Variants in NEDD4L observed in about 807,000 individuals in gnomAD.
NEDD4L encodes E3 ubiquitin-protein ligase NEDD4-like.
Under a neutral mutation model 148.9 loss-of-function variants are expected in NEDD4L, and 54 were observed. The ratio of observed to expected loss-of-function variants is 0.36; its 90% CI spans 0.29 to 0.45. NEDD4L has a LOEUF of 0.45. Ranked by LOEUF, NEDD4L falls within the 20% of genes least tolerant of loss-of-function variation. The pLI is 1.00. For missense variants in NEDD4L, 856 were observed against 1,233.8 expected, an observed-to-expected ratio of 0.69 and a Z score of 4.59; for synonymous variants, 433 against 440.7, an observed-to-expected ratio of 0.98 and a Z score of 0.22.
At chr18:58,322,541 T>C (rs2058895373) in intron 7 of NEDD4L, 55 bp downstream of exon 7, 1 of 1,184,494 alleles carries the variant, frequency 8.4e-7, no homozygotes, top group Non-Finnish European at 1.2e-6. Context: ...GCTGTAGGTA[T>C]AGGTGGGGAT....
chr18:58,355,029 A>G (rs925315180), intron 18 of NEDD4L, among the ~76,000 whole-genome samples: 7 of 152,344 alleles, frequency 4.6e-5, no homozygotes, highest in African/African-American at 1.7e-4. Flanking sequence ...GCCAAAGGGT[A>G]TCTGCCCGGT....
At position 58,398,589 on chromosome 18, in the gene NEDD4L, TGTGA is replaced by T. The variant is rs2050644012; in HGVS notation, c.*2325_*2328del. The T allele has an allele frequency of 6.6e-6, 1 of 152,242 alleles. No homozygotes were observed. The highest frequency in any genetic ancestry group is 1.5e-5 in the Non-Finnish European group (1 of 68,042). The allele number at this position is 152,242 out of a possible 1,614,324, so 9.4% of individuals were successfully genotyped here. A position where few individuals can be genotyped will look rare whatever the true frequency, so the allele number is the denominator to read the frequency against. The stretch of plus-strand genomic sequence containing the variant: ...CCATGAATACTTGGAAGGCAGTAAT[TGTGA>T]GTGACACCTCAGTTCATCAACCCCT... On this transcript the variant is annotated 3_prime_UTR_variant, in exon 31 of 31. Coordinates refer to ENST00000400345, the MANE Select transcript of NEDD4L (RefSeq NM_001144967.3).
chr18:58,246,024 T>G (rs1196413970), intron 3 of NEDD4L, among the ~76,000 whole-genome samples: 1 of 152,040 alleles, frequency 6.6e-6, no homozygotes, highest in African/African-American at 2.4e-5. Flanking sequence ...TACTGTATTT[T>G]CATTTTAAGT....
chr18:58,320,947 A>G (rs2058718026), intron 6 of NEDD4L, among the ~76,000 whole-genome samples: 1 of 152,222 alleles, frequency 6.6e-6, no homozygotes, highest in Non-Finnish European at 1.5e-5. Flanking sequence ...TTCAAAATGT[A>G]TGTTTATTAC....
At chr18:58,386,036 CTTGATTGATTGATTGA>C (rs74183251) in intron 26 of NEDD4L, among the ~76,000 whole-genome samples, 1 of 150,388 alleles carries the variant, frequency 6.6e-6, no homozygotes, top group South Asian at 2.1e-4. Flanking sequence ...GCTGCCTGGG[CTTGATTGATTGATTGA>C]TTGATTGATT....
rs376796765 is a variant in NEDD4L, at chr18:58,395,374, G to T, written c.2826-793G>T. 9.9e-5 allele frequency among the ~76,000 whole-genome samples: 15 copies of T among 152,160 alleles called. No homozygotes were observed. In the South Asian group the frequency reaches 3.1e-3, roughly 32 times the overall value. On this transcript the variant is annotated intron_variant, in intron 30 of 30. Transcript: ENST00000400345. ...TAATTGAGCCCTTGCTGTATGCCGG[G>T]CCCACTGATCCGATCCACTTGGCAC... is the stretch of plus-strand genomic sequence containing the variant.
At chr18:58,377,900 A>G (rs1001289664) in intron 24 of NEDD4L, among the ~76,000 whole-genome samples, 8 of 152,180 alleles carry the variant, frequency 5.3e-5, no homozygotes, top group African/African-American at 1.9e-4. Context: ...GCAAGCCACC[A>G]TGCCCAGCTA....
chr18:58,298,079 A>T (rs2055919120), intron 5 of NEDD4L, among the ~76,000 whole-genome samples: 1 of 152,220 alleles, frequency 6.6e-6, no homozygotes, highest in South Asian at 2.1e-4. Flanking sequence ...CCGTCATCTA[A>T]ATCAGTGATA....
Position 58,336,334 on chromosome 18 carries a change from T to C in NEDD4L, c.1125+797T>C, listed in dbSNP as rs561890612. 1.7e-4 allele frequency among the ~76,000 whole-genome samples: 26 copies of C among 152,270 alleles called. 1 individual carries two copies. The highest frequency in any genetic ancestry group is 1.3e-4 in the Non-Finnish European group (9 of 68,014). ...GGCTCACGCCTGTAATCCCAGCACC[T>C]TGGGAGGCTGAGGCAGGTGGATCAT... On this transcript the variant is annotated intron_variant, in intron 13 of 30. Transcript: ENST00000400345.
chr18:58,387,583 G>C, intron 27 of NEDD4L, 85 bp downstream of exon 27: 1 of 1,342,812 alleles, frequency 7.4e-7, no homozygotes. Flanking sequence ...TAATATTCTT[G>C]GATCCATAAT....
chr18:58,047,835 A>G (rs2081657526), intron 1 of NEDD4L, among the ~76,000 whole-genome samples: 1 of 152,180 alleles, frequency 6.6e-6, no homozygotes. Flanking sequence ...TCTGTAGTGC[A>G]TTTTGGCATA....
In NEDD4L at chr18:58,366,044, A is replaced by G. The variant is rs1601746027; in HGVS notation, c.1879A>G (p.Ile627Val). 2.5e-6 allele frequency: 4 copies of G among 1,612,948 alleles called. No individual in the cohort carries two copies. The highest frequency in any genetic ancestry group is 1.3e-5 in the African/African-American group (1 of 75,050). ...RFEMKLHRNNIFEESYRRIMS... is the reference protein window; with the variant it reads ...RFEMKLHRNNVFEESYRRIMS... ...TGAAATGAAACTTCACAGAAATAACATATTTGAAGAGTCCTATCGGAGAAT... is the reference window on the plus strand; with the variant it reads ...TGAAATGAAACTTCACAGAAATAACGTATTTGAAGAGTCCTATCGGAGAAT... The change falls in exon 21 of 31, where the codon ATA becomes GTA. Residue 627 changes from isoleucine (I) to valine (V), a missense_variant. Physicochemically the swap from Ile to Val is conservative, Grantham distance 29 (BLOSUM62 3). Transcript: ENST00000400345. This position sits in a 1 kb window ranked among gnomAD's most constrained non-coding sequence, Gnocchi z 4.2.
intron 1 of NEDD4L, 93 bp from the exon 2 acceptor site, chr18:58,165,695 A>G (rs544743113): frequency 2.0e-4 from 298 of 1,511,458 alleles, no homozygotes; most frequent in Non-Finnish European, 2.6e-4. Context: ...CCAATACTGG[A>G]CTGAGTAGAA....
At chr18:58,364,162 A>G in intron 19 of NEDD4L, 106 bp from the exon 20 acceptor site, 1 of 714,046 alleles carries the variant, frequency 1.4e-6, no homozygotes, top group East Asian at 2.7e-5. Context: ...GAGAAGTGAG[A>G]ATTTACGGTT....
At chr18:58,393,185 A>G (rs2050052327) in intron 30 of NEDD4L, among the ~76,000 whole-genome samples, 5 of 152,182 alleles carry the variant, frequency 3.3e-5, no homozygotes, top group Admixed American at 3.3e-4. Flanking sequence ...ATATCTTACT[A>G]TTGAACTGTC....
intron 1 of NEDD4L, among the ~76,000 whole-genome samples, chr18:58,100,840 T>G (rs933096893): frequency 1.3e-5 from 2 of 152,254 alleles, no homozygotes; most frequent in Admixed American, 1.3e-4. Context: ...AGGGTCTTGC[T>G]CTGCCATCCA....
chr18:58,324,020 T>C (rs944298569), intron 8 of NEDD4L, among the ~76,000 whole-genome samples: 4 of 152,330 alleles, frequency 2.6e-5, no homozygotes, highest in South Asian at 4.1e-4. Flanking sequence ...ATATGTGATA[T>C]GTGAATAATG....
intron 1 of NEDD4L, among the ~76,000 whole-genome samples, chr18:58,156,964 G>C (rs1321479978): frequency 6.6e-6 from 1 of 151,586 alleles, no homozygotes; most frequent in East Asian, 1.9e-4. Flanking sequence ...CAGATCTCTT[G>C]AGCCCCAGGA....
chr18:58,200,325 G>A (rs1422600264), intron 2 of NEDD4L, among the ~76,000 whole-genome samples: 1 of 152,230 alleles, frequency 6.6e-6, no homozygotes, highest in East Asian at 1.9e-4. Flanking sequence ...AAATGTAGGT[G>A]CCAGTTGAAA....
Sources: allele counts gnomAD v4.1 joint callset (sites outside exome capture counted in the v4.1 genomes callset), GRCh38; gene constraint gnomAD v4.1.1; non-coding constraint Gnocchi (gnomAD v3.1); transcripts MANE v1.5; gene names NCBI Gene and HGNC (gene_info 2026-07-23, HGNC 2026-07-21).